Variants in SNTB1 observed in about 807,000 individuals in gnomAD.
SNTB1 encodes the protein beta-1-syntrophin.
In SNTB1, 36 loss-of-function variants were observed where a neutral mutation model predicts 48.9. The observed-to-expected ratio is 0.74, with a 90% CI of 0.56 to 0.97. The LOEUF (loss-of-function observed/expected upper bound fraction) is 0.97, where lower values mean the gene tolerates loss of function less well. Ranked by LOEUF, SNTB1 falls within the 50% of genes least tolerant of loss-of-function variation. The pLI, the probability that SNTB1 is intolerant of heterozygous loss-of-function variation, is 0.00. For missense variants in SNTB1, 786 were observed against 703.4 expected (o/e 1.12, Z -1.33); for synonymous variants, 299 against 294.6 (o/e 1.01, Z -0.15).
intron 2 of SNTB1, among the ~76,000 whole-genome samples, chr8:120,686,829 C>A (rs1587089182): frequency 6.6e-6 from 1 of 152,176 alleles, no homozygotes; most frequent in East Asian, 1.9e-4. Flanking sequence ...TATACATATA[C>A]TTTATATATA....
intron 2 of SNTB1, chr8:120,636,923 T>G (rs1296755782): frequency 3.8e-6 from 1 of 265,054 alleles, no homozygotes; most frequent in Non-Finnish European, 8.0e-6. Context: ...ATGGACTTCT[T>G]AAGATCTCAT....
At position 120,755,198 on chromosome 8, in the gene SNTB1, G is replaced by A. The variant is rs573528100; in HGVS notation, c.571+56075C>T. On this transcript the variant is annotated intron_variant, in intron 1 of 6. Coordinates refer to ENST00000517992, the MANE Select transcript of SNTB1 (RefSeq NM_021021.4). The stretch of plus-strand genomic sequence containing the variant: ...AGAGAGAGAGAGAGAGCGAGAGAGA[G>A]AGAAGAAAGAGAGAGAGAGGGTTCC... 6.6e-5 allele frequency among the ~76,000 whole-genome samples: 10 copies of A among 151,686 alleles called. No homozygotes were observed. The East Asian group carries it at 1.2e-3, about 18-fold the overall frequency.
At chr8:120,654,366 G>C (rs2129728197) in intron 2 of SNTB1, among the ~76,000 whole-genome samples, 1 of 152,264 alleles carries the variant, frequency 6.6e-6, no homozygotes, top group South Asian at 2.1e-4. Context: ...CAGCAGGCCA[G>C]TCTTTTATAA....
intron 2 of SNTB1, among the ~76,000 whole-genome samples, chr8:120,672,060 A>T (rs946929088): frequency 6.6e-6 from 1 of 152,212 alleles, no homozygotes; most frequent in African/African-American, 2.4e-5. Flanking sequence ...ACAGCATTCA[A>T]TAAATTACAT....
chr8:120,580,340 C>T (rs1237096143), intron 3 of SNTB1, among the ~76,000 whole-genome samples: 2 of 152,194 alleles, frequency 1.3e-5, no homozygotes, highest in African/African-American at 2.4e-5. Flanking sequence ...AGCTGAGGGA[C>T]GTGAACAGCT....
intron 1 of SNTB1, among the ~76,000 whole-genome samples, chr8:120,706,558 C>A (rs1818378676): frequency 6.6e-6 from 1 of 152,138 alleles, no homozygotes; most frequent in South Asian, 2.1e-4. Context: ...TTTCTCTTCC[C>A]TGGGAAAATA....
chr8:120,717,255 C>T (rs961144208), intron 1 of SNTB1, among the ~76,000 whole-genome samples: 1 of 152,208 alleles, frequency 6.6e-6, no homozygotes, highest in Non-Finnish European at 1.5e-5. Context: ...TTCAGTGCTG[C>T]CTAGGCGATA....
At chr8:120,726,200 T>C (rs1191042253) in intron 1 of SNTB1, among the ~76,000 whole-genome samples, 5 of 152,188 alleles carry the variant, frequency 3.3e-5, no homozygotes, top group Non-Finnish European at 7.4e-5. Context: ...TTTTGAAAAA[T>C]CTATTTTTGT....
chr8:120,731,840 C>T (rs1379237222), intron 1 of SNTB1, among the ~76,000 whole-genome samples: 1 of 152,210 alleles, frequency 6.6e-6, no homozygotes, highest in East Asian at 1.9e-4. Context: ...ATGATTATGA[C>T]TTGTTGAATT....
chr8:120,678,462 A>T (rs746530434), intron 2 of SNTB1, among the ~76,000 whole-genome samples: 1 of 152,204 alleles, frequency 6.6e-6, no homozygotes, highest in Non-Finnish European at 1.5e-5. Flanking sequence ...TCCCTGATAC[A>T]TGGCTCTTTT....
At chr8:120,800,048 C>T (rs1820195823) in intron 1 of SNTB1, among the ~76,000 whole-genome samples, 1 of 152,004 alleles carries the variant, frequency 6.6e-6, no homozygotes, top group Non-Finnish European at 1.5e-5. Context: ...TGTTGAAACT[C>T]AAGTTATGAT....
At chr8:120,640,613 C>T (rs1817175942) in intron 2 of SNTB1, among the ~76,000 whole-genome samples, 1 of 152,146 alleles carries the variant, frequency 6.6e-6, no homozygotes, top group East Asian at 1.9e-4. Flanking sequence ...TGCCAAAGGC[C>T]TTTTCTGCAT....
chr8:120,798,380 T>C (rs1271248907), intron 1 of SNTB1, among the ~76,000 whole-genome samples: 1 of 151,966 alleles, frequency 6.6e-6, no homozygotes, highest in Non-Finnish European at 1.5e-5. Context: ...CAGAAAACAC[T>C]TGTCAATGTC....
intron 1 of SNTB1, among the ~76,000 whole-genome samples, chr8:120,720,125 T>C (rs908331930): frequency 6.6e-5 from 10 of 152,230 alleles, no homozygotes; most frequent in Admixed American, 6.5e-4. Context: ...AAAAGCTCAC[T>C]ATCTAACATA....
intron 1 of SNTB1, among the ~76,000 whole-genome samples, chr8:120,790,777 G>A (rs1471789899): frequency 6.6e-6 from 1 of 151,968 alleles, no homozygotes; most frequent in Non-Finnish European, 1.5e-5. Context: ...TGTGCTCATG[G>A]ATTGGAAGAA....
intron 2 of SNTB1, among the ~76,000 whole-genome samples, chr8:120,668,624 T>C (rs1366471157): frequency 6.6e-6 from 1 of 152,214 alleles, no homozygotes; most frequent in East Asian, 1.9e-4. Flanking sequence ...AGGTTCTCTA[T>C]ATTCCTGGCA....
At chr8:120,695,232 T>A (rs553470023) in intron 1 of SNTB1, among the ~76,000 whole-genome samples, 1 of 152,340 alleles carries the variant, frequency 6.6e-6, no homozygotes, top group South Asian at 2.1e-4. Flanking sequence ...TTCCTCCAGA[T>A]CTTTGATGAA....
chr8:120,659,459 T>G (rs949056617), intron 2 of SNTB1, among the ~76,000 whole-genome samples: 1 of 152,238 alleles, frequency 6.6e-6, no homozygotes, highest in Non-Finnish European at 1.5e-5. Flanking sequence ...ATTTTAGTTC[T>G]CTTGCTATTT....
At chr8:120,603,728 CTA>C (rs1009600076) in intron 3 of SNTB1, among the ~76,000 whole-genome samples, 21 of 152,170 alleles carry the variant, frequency 1.4e-4, no homozygotes, top group African/African-American at 5.1e-4. Flanking sequence ...CTGCTGGGTC[CTA>C]TGTCACCCAC....
Sources: allele counts gnomAD v4.1 joint callset (sites outside exome capture counted in the v4.1 genomes callset), GRCh38; gene constraint gnomAD v4.1.1; transcripts MANE v1.5; gene names NCBI Gene and HGNC (gene_info 2026-07-23, HGNC 2026-07-21).